EVC2: variants seen among roughly 807,000 people sequenced by gnomAD.
EVC2 encodes limbin.
In EVC2, 148 loss-of-function variants were observed where a neutral mutation model predicts 149.3. The ratio of observed to expected loss-of-function variants is 0.99; its 90% CI spans 0.87 to 1.14. The LOEUF is 1.14. Among genes scored for constraint, EVC2 ranks in the 50% most tolerant of loss-of-function variants. EVC2 has a pLI of 0.00. For synonymous variants in EVC2, 776 were observed against 649.9 expected (o/e 1.19, Z -2.95); for missense variants, 1,854 against 1,627.3 (o/e 1.14, Z -2.40).
At chr4:5,628,530 C>G in intron 12 of EVC2, 29 bp downstream of exon 12, 1 of 1,613,130 alleles carries the variant, frequency 6.2e-7, no homozygotes, top group Non-Finnish European at 8.5e-7. Flanking sequence ...TAAGACAGTT[C>G]GCACTGTTGG....
At chr4:5,561,462 C>G (rs899444329), downstream of EVC2, among the ~76,000 whole-genome samples, 2 of 152,214 alleles carry the variant, frequency 1.3e-5, no homozygotes, top group Non-Finnish European at 2.9e-5. Flanking sequence ...CTTACCTGCA[C>G]CTTTCTACCA....
intron 6 of EVC2, among the ~76,000 whole-genome samples, chr4:5,684,452 T>A (rs1489630693): frequency 6.6e-6 from 1 of 152,196 alleles, no homozygotes; most frequent in African/African-American, 2.4e-5. Context: ...ATGAGCCTCA[T>A]CTTCCATGTC....
chr4:5,582,375 G>A (rs1192100530), intron 17 of EVC2, among the ~76,000 whole-genome samples: 1 of 152,246 alleles, frequency 6.6e-6, no homozygotes, highest in Non-Finnish European at 1.5e-5. Context: ...AGTCAAAGGA[G>A]ATTGTTTTGG....
intron 11 of EVC2, 103 bp from the exon 12 acceptor site, chr4:5,628,837 A>G: frequency 8.2e-7 from 1 of 1,221,802 alleles, no homozygotes; most frequent in Non-Finnish European, 1.1e-6. Flanking sequence ...AAGAAAATAC[A>G]CAAGAAAAGA....
Position 5,622,971 on chromosome 4 carries a change from C to G in EVC2, c.2067G>C (p.Glu689Asp). 6.2e-7 allele frequency: 1 copy of G among 1,613,696 alleles called. No homozygotes were observed. Among genetic ancestry groups the G allele is most frequent in the Non-Finnish European group, 8.5e-7 (1 of 1,179,664 alleles). The change falls in exon 14 of 22, where the codon GAG becomes GAC. Residue 689 changes from glutamate to aspartate, a missense_variant. Physicochemically the swap from Glu to Asp is conservative, Grantham distance 45. Coordinates refer to ENST00000344408, the MANE Select transcript of EVC2 (RefSeq NM_147127.5). This position sits in a 1 kb window ranked among gnomAD's most constrained non-coding sequence, Gnocchi z 5.8. Reference sequence around the variant, plus strand: ...GGAAGGCCTCGCCGACGGACGCCTGCTCCCTACGCTGCTCCCTGTGCTGGA... The same window carrying G: ...GGAAGGCCTCGCCGACGGACGCCTGGTCCCTACGCTGCTCCCTGTGCTGGA... ...LLQKHREQRR[E>D]QASVGEAFRT...
Position 5,706,333 on chromosome 4 carries a change from G to GATAGATAGATAAATAGATAGATAC in EVC2, c.228+1952_228+1953insGTATCTATCTATTTATCTATCTAT, listed in dbSNP as rs1722138713. On this transcript the variant is annotated intron_variant, in intron 1 of 21. Coordinates refer to ENST00000344408, the MANE Select transcript of EVC2 (RefSeq NM_147127.5). The stretch of plus-strand genomic sequence containing the variant: ...AGATAGATAGATACATAGATAGATA[G>GATAGATAGATAAATAGATAGATAC]ATAGATACATAGATAGATAGACACA... Among the ~76,000 whole-genome samples, 12 of 104,468 alleles carry GATAGATAGATAAATAGATAGATAC rather than the reference G, an allele frequency of 1.1e-4. 1 individual carries two copies. Among genetic ancestry groups the GATAGATAGATAAATAGATAGATAC allele is most frequent in the African/African-American group, 5.1e-4 (12 of 23,688 alleles). The allele number at this position is 104,468 out of a possible 152,430, so 68.5% of individuals were successfully genotyped here.
chr4:5,676,948 C>G (rs528978472), intron 7 of EVC2, among the ~76,000 whole-genome samples: 22 of 152,248 alleles, frequency 1.4e-4, no homozygotes, highest in African/African-American at 2.4e-4. Flanking sequence ...CCTAGCATCT[C>G]GCACTGAGCC....
At chr4:5,609,710 C>A (rs1264533216) in intron 16 of EVC2, among the ~76,000 whole-genome samples, 1 of 152,202 alleles carries the variant, frequency 6.6e-6, no homozygotes, top group Non-Finnish European at 1.5e-5. Flanking sequence ...GCTCACCCTG[C>A]ATTGTGAAAC....
chr4:5,536,799 G>C, the EVC2 span, among the ~76,000 whole-genome samples: 1 of 149,270 alleles, frequency 6.7e-6, no homozygotes, highest in Non-Finnish European at 1.5e-5. Context: ...AAAAAAAATA[G>C]TCATTATCCC....
chr4:5,632,013 T>C lies in EVC2; in HGVS notation c.1490A>G (p.Asn497Ser), dbSNP rs1716578516. ...AGERSAVECS[N>S]LLRTLHGLEQ... ...CAGGCCATGGAGGGTCCGCAGAAGG[T>C]TGCTGCACTCTACAGCAGACTGGAG... The change falls in exon 11 of 22, where the codon AAC becomes AGC. Residue 497 changes from asparagine (N) to serine (S), a missense_variant. Coordinates refer to ENST00000344408, the MANE Select transcript of EVC2 (RefSeq NM_147127.5). The C allele has an allele frequency of 6.2e-7, 1 of 1,614,098 alleles. No individual in the cohort carries two copies. The highest frequency in any genetic ancestry group is 8.5e-7 in the Non-Finnish European group (1 of 1,180,010).
Position 5,631,690 on chromosome 4 carries a change from G to C in EVC2, c.1710+103C>G, listed in dbSNP as rs117466479. The C allele has an allele frequency of 4.2e-5, 62 of 1,480,512 alleles. 1 individual carries two copies. In the East Asian group the frequency reaches 1.3e-3, roughly 32 times the overall value. The allele number at this position is 1,480,512 out of a possible 1,614,324, so 91.7% of individuals were successfully genotyped here. ...GAGATAGAAGAGAAAGCTCACTAGTGCACAGTACAAAGGAGAGGCAGGACT... is the reference window on the plus strand; with the variant it reads ...GAGATAGAAGAGAAAGCTCACTAGTCCACAGTACAAAGGAGAGGCAGGACT... On this transcript the variant is annotated intron_variant, in intron 11 of 21. Coordinates refer to ENST00000344408, the MANE Select transcript of EVC2 (RefSeq NM_147127.5).
Position 5,704,255 on chromosome 4 carries a change from T to G in EVC2, c.228+4031A>C, listed in dbSNP as rs1328804783. The stretch of plus-strand genomic sequence containing the variant: ...ATGAAGATGGTGTTTGTAAAGAGAG[T>G]GAAAACTGTGTTGATTGTGGGTGTG... On this transcript the variant is annotated intron_variant, in intron 1 of 21. Transcript: ENST00000344408. Among the ~76,000 whole-genome samples the G allele has an allele frequency of 2.0e-5, 3 of 151,754 alleles. No homozygotes were observed. The East Asian group carries it at 5.8e-4, about 29-fold the overall frequency.
chr4:5,568,475 C>A lies in EVC2; in HGVS notation c.3526G>T (p.Gly1176Ter). 1 of 1,575,852 alleles carries A rather than the reference C, an allele frequency of 6.3e-7. No individual in the cohort carries two copies. Among genetic ancestry groups the A allele is most frequent in the Non-Finnish European group, 8.6e-7 (1 of 1,168,074 alleles). ...HVDHAAESDG[G>*]AEQADVGRRR... ...CTGCCCACGTCGGCCTGCTCCGCTCCGCCATCGCTCTCAGCTGCGTGGTCC... is the reference window on the plus strand; with the variant it reads ...CTGCCCACGTCGGCCTGCTCCGCTCAGCCATCGCTCTCAGCTGCGTGGTCC... The change falls in exon 20 of 22, where the codon GGA becomes TGA. Residue 1176 changes from glycine (G) to a stop codon, truncating the protein, a stop_gained. Transcript: ENST00000344408. LOFTEE classifies it high-confidence loss of function.
chr4:5,598,243 A>C (rs1433381486), intron 16 of EVC2, among the ~76,000 whole-genome samples: 2 of 152,060 alleles, frequency 1.3e-5, no homozygotes, highest in African/African-American at 2.4e-5. Flanking sequence ...GGAACCAAAA[A>C]AGAGCCCGCA....
chr4:5,618,366 G>T lies in EVC2; in HGVS notation c.2706+112C>A. On this transcript the variant is annotated intron_variant, in intron 15 of 21. Coordinates refer to ENST00000344408, the MANE Select transcript of EVC2 (RefSeq NM_147127.5). This position sits in a 1 kb window ranked among gnomAD's most constrained non-coding sequence, Gnocchi z 4.4. ...CAATGCAGCCAGAGAGGAGAGGATA[G>T]GGGAGCATGAGGTGAGATGGGCTCA... 1 of 1,183,342 alleles carries T rather than the reference G, an allele frequency of 8.5e-7. No homozygotes were observed. Among genetic ancestry groups the T allele is most frequent in the Non-Finnish European group, 1.2e-6 (1 of 805,054 alleles). The allele number at this position is 1,183,342 out of a possible 1,614,324, so 73.3% of individuals were successfully genotyped here.
At chr4:5,655,119 G>A (rs949128476) in intron 9 of EVC2, among the ~76,000 whole-genome samples, 6 of 152,168 alleles carry the variant, frequency 3.9e-5, no homozygotes, top group African/African-American at 1.2e-4. Context: ...GAGAGTTGCC[G>A]TGGGAACCCA....
downstream of EVC2, among the ~76,000 whole-genome samples, chr4:5,541,762 A>G (rs1721517833): frequency 1.3e-5 from 2 of 152,114 alleles, no homozygotes. Flanking sequence ...GTAAAAATAG[A>G]TGATTAGGAA....
intron 16 of EVC2, among the ~76,000 whole-genome samples, chr4:5,587,084 T>G (rs11725582): frequency 0.15 from 22,437 of 152,290 alleles, 1,744 homozygotes; most frequent in South Asian, 0.32. Flanking sequence ...GTTACTATTT[T>G]CATTGAAATA....
rs552668523 is a variant in EVC2 at position 5,547,425 on chromosome 4, C to T, written c.3420-4213G>A. On this transcript the variant is annotated intron_variant and NMD_transcript_variant, in intron 21 of 22. Transcript: ENST00000475313. ...TCCCCAGTGAGGCACCACCTTCAGG[C>T]CCTCCTTCAGGGAGGGAGGATCTGT... Among the ~76,000 whole-genome samples the T allele has an allele frequency of 5.3e-5, 8 of 152,346 alleles. No individual in the cohort carries two copies. In the East Asian group the frequency reaches 1.5e-3, roughly 29 times the overall value.
Sources: allele counts gnomAD v4.1 joint callset (sites outside exome capture counted in the v4.1 genomes callset), GRCh38; gene constraint gnomAD v4.1.1; non-coding constraint Gnocchi (gnomAD v3.1); transcripts MANE v1.5; gene names NCBI Gene and HGNC (gene_info 2026-07-23, HGNC 2026-07-21).